The following PCCA variants were observed in gnomAD, a reference collection of about 807,000 sequenced individuals.
PCCA encodes propionyl-CoA carboxylase subunit alpha, also known as propionyl-CoA carboxylase alpha chain, mitochondrial.
In PCCA, 74 loss-of-function variants were observed where a neutral mutation model predicts 101.3. That is an observed-to-expected ratio of 0.73 (90% confidence interval 0.61 to 0.89). The LOEUF (loss-of-function observed/expected upper bound fraction) is 0.89, where lower values mean the gene tolerates loss of function less well. Among genes scored for constraint, PCCA ranks in the 40% least tolerant of loss-of-function variants. The pLI, the probability that PCCA is intolerant of heterozygous loss-of-function variation, is 0.00. For missense variants in PCCA, 891 were observed against 907.0 expected, an observed-to-expected ratio of 0.98 and a Z score of 0.23; for synonymous variants, 294 against 313.6, an observed-to-expected ratio of 0.94 and a Z score of 0.66.
intron 8 of PCCA, among the ~76,000 whole-genome samples, chr13:100,254,029 T>G (rs1204075367): frequency 1.3e-5 from 2 of 152,068 alleles, no homozygotes; most frequent in African/African-American, 2.4e-5. Context: ...GGCTCACAGT[T>G]ACACATGGCT....
At chr13:100,333,232 C>A (rs1195963528) in intron 17 of PCCA, among the ~76,000 whole-genome samples, 3 of 152,058 alleles carry the variant, frequency 2.0e-5, no homozygotes, top group African/African-American at 4.8e-5. Context: ...TAAACTGTAT[C>A]GTCTTTTGAC....
At chr13:100,089,252 C>A (rs759473065) in intron 1 of PCCA, 27 bp downstream of exon 1, 2 of 1,469,544 alleles carry the variant, frequency 1.4e-6, no homozygotes, top group Admixed American at 2.2e-5. Context: ...CCTCGCGGGT[C>A]CGGGCTTCAC....
intron 21 of PCCA, among the ~76,000 whole-genome samples, chr13:100,513,814 G>T (rs1232677397): frequency 6.6e-6 from 1 of 152,238 alleles, no homozygotes; most frequent in Non-Finnish European, 1.5e-5. Context: ...AGAAGGCGCA[G>T]CTCAGGGCGA....
chr13:100,135,585 G>A (rs142522113), intron 4 of PCCA, among the ~76,000 whole-genome samples: 104 of 152,216 alleles, frequency 6.8e-4, no homozygotes, highest in African/African-American at 2.3e-3. Flanking sequence ...TGTCTATGTA[G>A]ATAATCATGT....
intron 7 of PCCA, among the ~76,000 whole-genome samples, chr13:100,211,298 G>A (rs1412514617): frequency 6.6e-6 from 1 of 152,176 alleles, no homozygotes; most frequent in African/African-American, 2.4e-5. Flanking sequence ...CAGTGCCAAA[G>A]CTCTTAGAAT....
At chr13:100,344,453 T>C (rs1284905553) in intron 18 of PCCA, among the ~76,000 whole-genome samples, 1 of 152,236 alleles carries the variant, frequency 6.6e-6, no homozygotes. Flanking sequence ...GTTTCTTCTT[T>C]AATAATAATA....
intron 19 of PCCA, among the ~76,000 whole-genome samples, chr13:100,412,707 T>C (rs1206561362): frequency 4.6e-5 from 7 of 152,128 alleles, no homozygotes; most frequent in African/African-American, 7.2e-5. Flanking sequence ...TGAGATGTAA[T>C]GGGCACAGAG....
At chr13:100,179,699 TCCTCTTCCCACAA>T (rs1435811242) in intron 6 of PCCA, among the ~76,000 whole-genome samples, 1 of 144,428 alleles carries the variant, frequency 6.9e-6, no homozygotes, top group Non-Finnish European at 1.5e-5. Context: ...AGAAGGGTCA[TCCTCTTCCCACAA>T]TGGTTTATTT....
intron 6 of PCCA, among the ~76,000 whole-genome samples, chr13:100,159,022 A>T (rs1048505312): frequency 1.4e-5 from 2 of 144,232 alleles, no homozygotes; most frequent in African/African-American, 5.1e-5. Context: ...TATTTATTTT[A>T]TATATTATAT....
At chr13:100,444,880 T>C (rs79273236) in intron 20 of PCCA, among the ~76,000 whole-genome samples, 1 of 151,118 alleles carries the variant, frequency 6.6e-6, no homozygotes, top group African/African-American at 2.4e-5. Context: ...TTGTAATTGG[T>C]TTTTAATTGA....
At chr13:100,455,556 A>C (rs1179005188) in intron 21 of PCCA, among the ~76,000 whole-genome samples, 1 of 152,226 alleles carries the variant, frequency 6.6e-6, no homozygotes, top group Non-Finnish European at 1.5e-5. Flanking sequence ...ATGCTCAGCA[A>C]TGCAGGATGC....
At chr13:100,423,028 G>T (rs370914496) in intron 19 of PCCA, among the ~76,000 whole-genome samples, 154 of 143,244 alleles carry the variant, frequency 1.1e-3, no homozygotes, top group African/African-American at 3.3e-3. Flanking sequence ...TTTCCAAATT[G>T]TATGCAGACA....
chr13:100,318,566 G>C (rs1243513497), intron 16 of PCCA, among the ~76,000 whole-genome samples: 1 of 147,156 alleles, frequency 6.8e-6, no homozygotes, highest in Non-Finnish European at 1.5e-5. Context: ...CCACCTATGA[G>C]TGAGAACATG....
chr13:100,396,363 A>G (rs2077045005), intron 19 of PCCA, among the ~76,000 whole-genome samples: 1 of 152,222 alleles, frequency 6.6e-6, no homozygotes, highest in Non-Finnish European at 1.5e-5. Flanking sequence ...TGTAAAAATT[A>G]AATGAGATTT....
intron 21 of PCCA, among the ~76,000 whole-genome samples, chr13:100,483,696 G>A (rs2084139532): frequency 6.6e-6 from 1 of 152,104 alleles, no homozygotes; most frequent in African/African-American, 2.4e-5. Flanking sequence ...AAATGCAATC[G>A]GTAAATTTTG....
chr13:100,159,198 A>G (rs574354950), intron 6 of PCCA, among the ~76,000 whole-genome samples: 13 of 135,602 alleles, frequency 9.6e-5, no homozygotes, highest in African/African-American at 3.7e-4. Context: ...GGTTCAAGCT[A>G]TTCTGCCTCA....
chr13:100,508,221 A>G (rs1459846878), intron 21 of PCCA, among the ~76,000 whole-genome samples: 1 of 152,166 alleles, frequency 6.6e-6, no homozygotes, highest in South Asian at 2.1e-4. Context: ...TCTTTTCTCT[A>G]AGGAAACCCT....
intron 18 of PCCA, among the ~76,000 whole-genome samples, chr13:100,351,106 G>A (rs1379067969): frequency 2.6e-5 from 4 of 152,142 alleles, no homozygotes; most frequent in Non-Finnish European, 5.9e-5. Context: ...ATGTTTTATA[G>A]GGTAATGAAA....
At chr13:100,134,745 G>C (rs562920637) in intron 4 of PCCA, among the ~76,000 whole-genome samples, 13 of 151,414 alleles carry the variant, frequency 8.6e-5, no homozygotes, top group Non-Finnish European at 1.9e-4. Context: ...GTAGAGACAG[G>C]GTCTCCCTAT....
Sources: gnomAD v4.1 joint callset for allele counts (sites outside exome capture counted in the v4.1 genomes callset) on GRCh38, gnomAD v4.1.1 for gene constraint, MANE v1.5 for transcripts, NCBI Gene and HGNC (gene_info 2026-07-23, HGNC 2026-07-21) for gene names.